Variants in NUP98 observed in about 807,000 individuals in gnomAD.
NUP98 encodes the protein nucleoporin 98 and 96 precursor.
A neutral mutation model predicts 191.9 loss-of-function variants in NUP98; 26 were observed. The observed-to-expected ratio is 0.14, with a 90% CI of 0.10 to 0.19. The LOEUF (loss-of-function observed/expected upper bound fraction) is 0.19, where lower values mean the gene tolerates loss of function less well. Among genes scored for constraint, NUP98 ranks in the 10% least tolerant of loss-of-function variants. The pLI is 1.00. For synonymous variants in NUP98, 808 were observed against 778.4 expected (o/e 1.04, Z -0.63); for missense variants, 1,941 against 2,178.8 (o/e 0.89, Z 2.17).
chr11:3,684,766 C>CAAAAAAAAAAAAAAAAAAAAAAAAA (rs71041370), intron 29 of NUP98, among the ~76,000 whole-genome samples: 1 of 101,802 alleles, frequency 9.8e-6, no homozygotes, highest in African/African-American at 3.9e-5. Context: ...TTTCACAGGC[C>CAAAAAAAAAAAAAAAAAAAAAAAAA]AAAAAAAAAA....
In NUP98 at chr11:3,735,284, A is replaced by T; in HGVS notation, c.1449T>A (p.Val483=). The T allele has an allele frequency of 6.3e-7, 1 of 1,582,170 alleles. No individual in the cohort carries two copies. Among genetic ancestry groups the T allele is most frequent in the Non-Finnish European group, 8.6e-7 (1 of 1,161,870 alleles). Residue 483 remains valine, a synonymous_variant, in exon 13 of 33, where the codon GTT becomes GTA. Transcript: ENST00000324932. The stretch of plus-strand genomic sequence containing the variant: ...TTAGACTATTGATGTGCTGCTGGAG[A>T]ACAGCCTGCTGGGCAGCAGAAGCAT... ...DPNASAAQQA[V]LQQHINSLTY... is the part of the protein sequence containing the mutation.
chr11:3,712,180 T>C (rs2079039501), intron 20 of NUP98: 1 of 1,070,390 alleles, frequency 9.3e-7, no homozygotes, highest in Non-Finnish European at 1.1e-6. Context: ...TAAAAAACCA[T>C]GGAGGTAAAG....
In NUP98 at chr11:3,683,166, G is replaced by T. The variant is rs771680457; in HGVS notation, c.4918+34C>A. 15 of 1,611,608 alleles carry T rather than the reference G, an allele frequency of 9.3e-6. No homozygotes were observed. In the Admixed American group the frequency reaches 1.2e-4, roughly 13 times the overall value. On this transcript the variant is annotated intron_variant, in intron 30 of 32. Transcript: ENST00000324932. ...AGGTTCAGAGGTTGGAGGAATTTGG[G>T]GTGATTCCAGGAGATGTGGAACCCA... is the stretch of plus-strand genomic sequence containing the variant.
chr11:3,744,571 C>T lies in NUP98; in HGVS notation c.1346G>A (p.Gly449Glu), dbSNP rs1169350932. 4 of 1,613,736 alleles carry T rather than the reference C, an allele frequency of 2.5e-6. No individual in the cohort carries two copies. In the Admixed American group the frequency reaches 5.0e-5, roughly 20 times the overall value. The change falls in exon 12 of 33, where the codon GGG becomes GAG. Residue 449 changes from glycine (G) to glutamate (E), a missense_variant. Coordinates refer to ENST00000324932, the MANE Select transcript of NUP98 (RefSeq NM_016320.5). ...IGGPLGTGAF[G>E]APGFNTTTAT... ...TGTCGTAGTATTAAATCCAGGGGCC[C>T]CAAAGGCTCCTGTACCAAGAGGCCC...
At chr11:3,740,305 G>C (rs993735917) in intron 12 of NUP98, among the ~76,000 whole-genome samples, 5 of 152,134 alleles carry the variant, frequency 3.3e-5, no homozygotes, top group Non-Finnish European at 4.4e-5. Flanking sequence ...GAGGTCAGGA[G>C]TTCGTGACCA....
At chr11:3,776,100 G>T in intron 4 of NUP98, 79 bp from the exon 5 acceptor site, 1 of 1,063,644 alleles carries the variant, frequency 9.4e-7, no homozygotes, top group Non-Finnish European at 1.4e-6. Context: ...TTGGGCTATG[G>T]CACTAGCATC....
At chr11:3,787,485 A>C (rs1192628174) in intron 1 of NUP98, among the ~76,000 whole-genome samples, 1 of 152,170 alleles carries the variant, frequency 6.6e-6, no homozygotes, top group Non-Finnish European at 1.5e-5. Flanking sequence ...CGAGAGACTG[A>C]GGCAGGAGAG....
intron 8 of NUP98, among the ~76,000 whole-genome samples, chr11:3,766,493 C>T (rs1272361927): frequency 1.3e-5 from 2 of 151,946 alleles, no homozygotes; most frequent in Non-Finnish European, 2.9e-5. Flanking sequence ...AGTTTGAGAC[C>T]AGCCTGACCA....
intron 20 of NUP98, chr11:3,712,356 A>T: frequency 7.3e-7 from 1 of 1,378,886 alleles, no homozygotes; most frequent in Non-Finnish European, 9.3e-7. Flanking sequence ...TAATCCAAAC[A>T]GCAAGAGAAT....
At chr11:3,696,108 T>G (rs146028296) in intron 25 of NUP98, among the ~76,000 whole-genome samples, 1 of 152,224 alleles carries the variant, frequency 6.6e-6, no homozygotes, top group East Asian at 1.9e-4. Flanking sequence ...GGAAAATCAC[T>G]TGAACCCATG....
At position 3,683,547 on chromosome 11, in the gene NUP98, T is replaced by C. The variant is rs75290784; in HGVS notation, c.4677-106A>G. ...GGGCAGTCTCTTAAACTGCAGGTCTTTTTTTTTTTTGATGGAGTTTCACTC... is the reference window on the plus strand; with the variant it reads ...GGGCAGTCTCTTAAACTGCAGGTCTCTTTTTTTTTTGATGGAGTTTCACTC... On this transcript the variant is annotated intron_variant, in intron 29 of 32. Transcript: ENST00000324932. 7.1e-5 allele frequency: 18 copies of C among 252,834 alleles called. No homozygotes were observed. The East Asian group carries it at 3.3e-3, about 46-fold the overall frequency. 15.7% of individuals were successfully genotyped at this position (252,834 alleles called of 1,614,324 possible).
intron 1 of NUP98, 77 bp downstream of exon 1, chr11:3,797,323 G>T: frequency 2.5e-6 from 1 of 399,906 alleles, no homozygotes; most frequent in South Asian, 1.2e-4. Context: ...GCCCTGAGAC[G>T]CCCCGCGCGT....
At chr11:3,690,619 T>C (rs958302584) in intron 28 of NUP98, among the ~76,000 whole-genome samples, 1 of 152,104 alleles carries the variant, frequency 6.6e-6, no homozygotes, top group Admixed American at 6.6e-5. Flanking sequence ...CAAACCAAGA[T>C]ACTACATGCC....
chr11:3,713,427 A>G (rs555972232), intron 19 of NUP98, among the ~76,000 whole-genome samples: 2 of 152,300 alleles, frequency 1.3e-5, no homozygotes, highest in East Asian at 3.9e-4. Flanking sequence ...CTAAAAATAA[A>G]GAGAATTTGG....
At chr11:3,712,265 T>C in intron 20 of NUP98, 1 of 1,154,808 alleles carries the variant, frequency 8.7e-7, no homozygotes, top group Non-Finnish European at 1.1e-6. Context: ...GAGCAAATCT[T>C]AAGTTAATCA....
At position 3,744,473 on chromosome 11, in the gene NUP98, A is replaced by G. The variant is rs749947771; in HGVS notation, c.1408+36T>C. Reference sequence around the variant, plus strand: ...ATCAGGTCAGCAAGTATTAGCAAAAAATTAAGAAAAGCCTTCTAAAGTGAC... The same window carrying G: ...ATCAGGTCAGCAAGTATTAGCAAAAGATTAAGAAAAGCCTTCTAAAGTGAC... On this transcript the variant is annotated intron_variant, in intron 12 of 32. Transcript: ENST00000324932. 1.9e-5 allele frequency: 30 copies of G among 1,569,986 alleles called. No individual in the cohort carries two copies. In the African/African-American group the frequency reaches 4.0e-4, roughly 21 times the overall value.
intron 2 of NUP98, among the ~76,000 whole-genome samples, chr11:3,779,573 A>C (rs1055728662): frequency 3.3e-5 from 5 of 151,916 alleles, no homozygotes; most frequent in Non-Finnish European, 7.4e-5. Context: ...TCTGGGAGGC[A>C]GAGGTTTCGG....
At chr11:3,701,691 C>CA (rs1554888391) in intron 23 of NUP98, among the ~76,000 whole-genome samples, 1 of 143,488 alleles carries the variant, frequency 7.0e-6, no homozygotes, top group Non-Finnish European at 1.5e-5. Flanking sequence ...TCTTTTCTCT[C>CA]TTTTTTTTTT....
intron 5 of NUP98, among the ~76,000 whole-genome samples, chr11:3,774,250 T>A (rs1419500317): frequency 6.9e-6 from 1 of 145,596 alleles, no homozygotes; most frequent in East Asian, 2.0e-4. Flanking sequence ...AATAAAAAAA[T>A]AAAAAATAAA....
Sources: gnomAD v4.1 joint callset for allele counts (sites outside exome capture counted in the v4.1 genomes callset) on GRCh38, gnomAD v4.1.1 for gene constraint, MANE v1.5 for transcripts, NCBI Gene and HGNC (gene_info 2026-07-23, HGNC 2026-07-21) for gene names.